Variants in IGSF10 observed in about 807,000 individuals in gnomAD.
IGSF10 encodes the protein immunoglobulin superfamily member 10.
A neutral mutation model predicts 128.2 loss-of-function variants in IGSF10; 126 were observed. The ratio of observed to expected loss-of-function variants is 0.98; its 90% confidence interval spans 0.85 to 1.14. The LOEUF is 1.14. Among genes scored for constraint, IGSF10 ranks in the 50% most tolerant of loss-of-function variants. IGSF10 has a pLI of 0.00. For synonymous variants in IGSF10, 1,185 were observed against 1,146.2 expected (o/e 1.03, Z -0.68); for missense variants, 3,295 against 3,149.8 (o/e 1.05, Z -1.10).
At chr3:151,508,079 A>G in the IGSF10 span, among the ~76,000 whole-genome samples, 1 of 152,198 alleles carries the variant, frequency 6.6e-6, no homozygotes, top group African/African-American at 2.4e-5. Context: ...GCTACTAAGC[A>G]TTAAAAACTA....
the IGSF10 span, among the ~76,000 whole-genome samples, chr3:151,533,229 TA>T: frequency 6.6e-6 from 1 of 151,964 alleles, no homozygotes; most frequent in Admixed American, 6.5e-5. Context: ...AAAATGGCCA[TA>T]CAGGCCAAAG....
the IGSF10 span, among the ~76,000 whole-genome samples, chr3:151,574,879 A>G: frequency 2.4e-4 from 37 of 152,180 alleles, no homozygotes; most frequent in African/African-American, 8.4e-4. Flanking sequence ...GTCTTTGATG[A>G]TGTGACCTAC....
the IGSF10 span, among the ~76,000 whole-genome samples, chr3:151,535,660 T>A: frequency 2.0e-5 from 3 of 152,150 alleles, no homozygotes; most frequent in Admixed American, 2.0e-4. Context: ...GAATTTACAA[T>A]AAATTACATA....
the IGSF10 span, among the ~76,000 whole-genome samples, chr3:151,528,754 A>G: frequency 1.3e-5 from 2 of 152,034 alleles, no homozygotes; most frequent in Admixed American, 6.6e-5. Context: ...GGGTTTAAGC[A>G]AAAAACTAAG....
chr3:151,509,718 T>C, the IGSF10 span, among the ~76,000 whole-genome samples: 3 of 152,192 alleles, frequency 2.0e-5, no homozygotes, highest in Non-Finnish European at 4.4e-5. Context: ...GGGAATTCCC[T>C]TTCCTAGTCA....
At position 151,436,687 on chromosome 3, in the gene IGSF10, T is replaced by G. The variant is rs772658600; in HGVS notation, c.*2A>C. 2 of 1,574,526 alleles carry G rather than the reference T, an allele frequency of 1.3e-6. 1 individual carries two copies. The highest frequency in any genetic ancestry group is 2.3e-5 in the South Asian group (2 of 85,144). On this transcript the variant is annotated 3_prime_UTR_variant, in exon 8 of 8. Coordinates refer to ENST00000282466, the MANE Select transcript of IGSF10 (RefSeq NM_178822.5). ...AGATGTTGTTGACTTTATTATTTCA[T>G]GTCAGATTACTTGAATATACGTTGC...
chr3:151,432,720 G>C (rs1379786814), downstream of IGSF10: 2 of 1,580,274 alleles, frequency 1.3e-6, no homozygotes, highest in Non-Finnish European at 1.7e-6. Flanking sequence ...TTTTGTGTCT[G>C]TAATTTTGGT....
the IGSF10 span, among the ~76,000 whole-genome samples, chr3:151,487,979 G>A: frequency 6.6e-6 from 1 of 152,308 alleles, no homozygotes; most frequent in South Asian, 2.1e-4. Flanking sequence ...GTTCTGGCCA[G>A]GGTAATCAGG....
the IGSF10 span, among the ~76,000 whole-genome samples, chr3:151,479,560 C>T: frequency 6.6e-6 from 1 of 152,080 alleles, no homozygotes; most frequent in Admixed American, 6.6e-5. Context: ...ATAAGAAATT[C>T]CTGGCTAATC....
chr3:151,594,420 G>A, the IGSF10 span, among the ~76,000 whole-genome samples: 1 of 143,048 alleles, frequency 7.0e-6, no homozygotes, highest in South Asian at 2.3e-4. Flanking sequence ...TGCAAGCTCC[G>A]CCTCCCGGGT....
the IGSF10 span, among the ~76,000 whole-genome samples, chr3:151,572,408 G>T: frequency 2.0e-5 from 3 of 152,188 alleles, no homozygotes; most frequent in Non-Finnish European, 2.9e-5. Flanking sequence ...GCCTGTTATT[G>T]GTCTATTCAG....
chr3:151,552,392 G>T, the IGSF10 span, among the ~76,000 whole-genome samples: 1 of 152,128 alleles, frequency 6.6e-6, no homozygotes, highest in African/African-American at 2.4e-5. Context: ...GGCAAGGAAG[G>T]CAACTTTATT....
the IGSF10 span, among the ~76,000 whole-genome samples, chr3:151,551,953 C>G: frequency 6.6e-6 from 1 of 152,118 alleles, no homozygotes; most frequent in Non-Finnish European, 1.5e-5. Context: ...AAATCCAATG[C>G]TCATAATCAC....
At chr3:151,574,144 T>G in the IGSF10 span, among the ~76,000 whole-genome samples, 1 of 152,204 alleles carries the variant, frequency 6.6e-6, no homozygotes. Flanking sequence ...CTGGCTGCCC[T>G]TAACATTTTT....
intron 1 of IGSF10, among the ~76,000 whole-genome samples, chr3:151,460,738 T>A (rs1722010758): frequency 6.6e-6 from 1 of 152,082 alleles, no homozygotes; most frequent in East Asian, 1.9e-4. Context: ...TGTGTGTTTT[T>A]TTTTTTTGCC....
the IGSF10 span, among the ~76,000 whole-genome samples, chr3:151,573,439 T>G: frequency 6.6e-6 from 1 of 152,238 alleles, no homozygotes; most frequent in African/African-American, 2.4e-5. Context: ...ATATTTAGGA[T>G]AGTTAGCTCT....
chr3:151,509,624 T>C, the IGSF10 span, among the ~76,000 whole-genome samples: 1 of 152,156 alleles, frequency 6.6e-6, no homozygotes, highest in Non-Finnish European at 1.5e-5. Context: ...TGCCGGACAG[T>C]GTGTGCAGGA....
chr3:151,572,675 G>T, the IGSF10 span, among the ~76,000 whole-genome samples: 1 of 152,028 alleles, frequency 6.6e-6, no homozygotes, highest in Non-Finnish European at 1.5e-5. Context: ...AACAGCTTCT[G>T]GATTCATTAA....
upstream of IGSF10, among the ~76,000 whole-genome samples, chr3:151,462,145 A>G (rs2108585444): frequency 6.6e-6 from 1 of 152,264 alleles, no homozygotes; most frequent in African/African-American, 2.4e-5. Context: ...CCCAATACTC[A>G]TAAACACTGA....
Sources: allele counts gnomAD v4.1 joint callset (sites outside exome capture counted in the v4.1 genomes callset), GRCh38; gene constraint gnomAD v4.1.1; transcripts MANE v1.5; gene names NCBI Gene and HGNC (gene_info 2026-07-23, HGNC 2026-07-21).